Variants in RBM20 observed in about 807,000 individuals in gnomAD.
RBM20 encodes the protein RNA-binding protein 20.
A neutral mutation model predicts 110.1 loss-of-function variants in RBM20; 51 were observed. That is an observed-to-expected ratio of 0.46 (90% CI 0.37 to 0.59). RBM20 has a LOEUF of 0.59. Among genes scored for constraint, RBM20 ranks in the 20% least tolerant of loss-of-function variants. The pLI, the probability that RBM20 is intolerant of heterozygous loss-of-function variation, is 0.00. For missense variants in RBM20, 1,512 were observed against 1,574.9 expected, an observed-to-expected ratio of 0.96 and a Z score of 0.68; for synonymous variants, 589 against 618.2, an observed-to-expected ratio of 0.95 and a Z score of 0.70.
At chr10:110,802,387 T>A (rs1844639565) in intron 7 of RBM20, among the ~76,000 whole-genome samples, 1 of 71,452 alleles carries the variant, frequency 1.4e-5, no homozygotes, top group African/African-American at 1.3e-4. Context: ...ACCTGGCTTT[T>A]TTTTTTTTTT....
At chr10:110,774,742 G>A (rs899688881) in intron 1 of RBM20, among the ~76,000 whole-genome samples, 1 of 152,110 alleles carries the variant, frequency 6.6e-6, no homozygotes, top group South Asian at 2.1e-4. Context: ...TAAATTGTCT[G>A]TAAGGCCTCA....
chr10:110,711,350 A>G (rs1862925318), intron 1 of RBM20, among the ~76,000 whole-genome samples: 1 of 150,198 alleles, frequency 6.7e-6, no homozygotes, highest in African/African-American at 2.4e-5. Context: ...AAAAAAAAAA[A>G]AAAAAAAGAG....
intron 1 of RBM20, among the ~76,000 whole-genome samples, chr10:110,676,464 T>G (rs17828651): frequency 0.077 from 11,750 of 152,316 alleles, 643 homozygotes; most frequent in Non-Finnish European, 0.11. Context: ...AAGAGAAACT[T>G]TGCTCTAAGA....
rs1393803189 is a variant in RBM20, at chr10:110,838,042, G to C, written c.*2064G>C. On this transcript the variant is annotated 3_prime_UTR_variant, in exon 14 of 14. Coordinates refer to ENST00000369519, the MANE Select transcript of RBM20 (RefSeq NM_001134363.3). The stretch of plus-strand genomic sequence containing the variant: ...GAAAGAATAGCCAAATCCCCAAACA[G>C]GCCAGTTTTAACCAGCATGATGAAG... 6.6e-6 allele frequency: 1 copy of C among 152,140 alleles called. No individual in the cohort carries two copies. Among genetic ancestry groups the C allele is most frequent in the Non-Finnish European group, 1.5e-5 (1 of 68,034 alleles). 9.4% of individuals were successfully genotyped at this position (152,140 alleles called of 1,614,324 possible).
intron 1 of RBM20, among the ~76,000 whole-genome samples, chr10:110,694,688 T>C (rs189581406): frequency 6.7e-6 from 1 of 148,392 alleles, no homozygotes; most frequent in South Asian, 2.2e-4. Flanking sequence ...TGGGTTAAGA[T>C]AGCAATTTCC....
At chr10:110,767,388 G>A (rs1190969454) in intron 1 of RBM20, among the ~76,000 whole-genome samples, 1 of 147,832 alleles carries the variant, frequency 6.8e-6, no homozygotes, top group Non-Finnish European at 1.5e-5. Context: ...CCTGGCGGGG[G>A]CTGACCCCCA....
chr10:110,705,203 C>T (rs759763925), intron 1 of RBM20, among the ~76,000 whole-genome samples: 21 of 152,144 alleles, frequency 1.4e-4, no homozygotes, highest in Admixed American at 3.3e-4. Context: ...ATGTGTTTGA[C>T]GCCTGGAACA....
chr10:110,752,474 T>A (rs746070261), intron 1 of RBM20, among the ~76,000 whole-genome samples: 13 of 152,240 alleles, frequency 8.5e-5, no homozygotes, highest in Non-Finnish European at 1.5e-4. Context: ...TCTTTCATGT[T>A]TTGGCAATTC....
intron 5 of RBM20, among the ~76,000 whole-genome samples, chr10:110,792,453 G>A (rs1045907425): frequency 6.6e-6 from 1 of 152,078 alleles, no homozygotes; most frequent in African/African-American, 2.4e-5. Flanking sequence ...GTACATTCAC[G>A]GTGGCATTTC....
chr10:110,812,944 T>A lies in RBM20; in HGVS notation c.2547T>A (p.Asn849Lys), dbSNP rs562882648. The change falls in exon 9 of 14, where the codon AAT becomes AAA. Residue 849 changes from asparagine (N) to lysine (K), a missense_variant. Physicochemically the swap from Asn to Lys is moderately conservative, Grantham distance 94. This residue lies in a region of RBM20 where 1,149 missense variants were observed against 1,169.4 expected (regional missense o/e 0.98). Coordinates refer to ENST00000369519, the MANE Select transcript of RBM20 (RefSeq NM_001134363.3). ...GAAAAGAAAACACAATGGCAGAGAATGAGGTAATGATCAATTTCTTCCCCA... is the reference window on the plus strand; with the variant it reads ...GAAAAGAAAACACAATGGCAGAGAAAGAGGTAATGATCAATTTCTTCCCCA... Reference protein sequence around the residue: ...DDRKENTMAENEAGKEEQEGM... With the variant: ...DDRKENTMAEKEAGKEEQEGM... The A allele has an allele frequency of 2.8e-5, 41 of 1,448,140 alleles. No homozygotes were observed. In the African/African-American group the frequency reaches 5.6e-4, roughly 20 times the overall value. 89.7% of individuals were successfully genotyped at this position (1,448,140 alleles called of 1,614,324 possible).
Position 110,780,930 on chromosome 10 carries a change from GACAGCT to G in RBM20, c.322_327del (p.Thr108_Ala109del), listed in dbSNP as rs1844330289. ...CCCTCCACCGGCTGAAGCTGGCACA[GACAGCT>G]GTCACCAACAACACTGCAGCCGCCA... On this transcript the variant is annotated inframe_deletion, in exon 2 of 14. Coordinates refer to ENST00000369519, the MANE Select transcript of RBM20 (RefSeq NM_001134363.3). 1.2e-5 allele frequency: 18 copies of G among 1,551,544 alleles called. No homozygotes were observed. The Admixed American group carries it at 3.3e-4, about 29-fold the overall frequency.
rs1844393658 is a variant in RBM20, at chr10:110,784,364, G to A, written c.1361G>A (p.Gly454Asp). The A allele has an allele frequency of 6.4e-7, 1 of 1,551,236 alleles. No individual in the cohort carries two copies. Among genetic ancestry groups the A allele is most frequent in the Non-Finnish European group, 8.7e-7 (1 of 1,146,896 alleles). ...AGTGCTGGCATCCGGTGTATACTTG[G>A]TTCGGCAGAGGGAACATTGTGTGCT... ...SENAGIRCIL[G>D]SAEGTLCASP... is the part of the protein sequence containing the mutation. The change falls in exon 4 of 14, where the codon GGT becomes GAT. Residue 454 changes from glycine to aspartate, a missense_variant. By Grantham distance (94) the Gly-to-Asp change is moderately conservative. Coordinates refer to ENST00000369519, the MANE Select transcript of RBM20 (RefSeq NM_001134363.3).
chr10:110,701,884 G>T (rs1313997792), intron 1 of RBM20, among the ~76,000 whole-genome samples: 1 of 152,222 alleles, frequency 6.6e-6, no homozygotes, highest in Non-Finnish European at 1.5e-5. Flanking sequence ...ATGCTGATAA[G>T]GCAGAGAGCT....
intron 1 of RBM20, among the ~76,000 whole-genome samples, chr10:110,668,505 G>C (rs921388585): frequency 6.6e-6 from 1 of 152,112 alleles, no homozygotes; most frequent in African/African-American, 2.4e-5. Flanking sequence ...GGTTGAAGGG[G>C]AGACACTGGA....
At chr10:110,760,155 C>T (rs942562915) in intron 1 of RBM20, among the ~76,000 whole-genome samples, 3 of 152,150 alleles carry the variant, frequency 2.0e-5, no homozygotes, top group South Asian at 4.1e-4. Context: ...GTGTTCCATC[C>T]CCTTTTGCAA....
chr10:110,662,409 GC>G (rs1862117498), intron 1 of RBM20, among the ~76,000 whole-genome samples: 2 of 152,330 alleles, frequency 1.3e-5, no homozygotes, highest in East Asian at 3.9e-4. Flanking sequence ...GAACATCACT[GC>G]CCTTTCTCAA....
intron 12 of RBM20, among the ~76,000 whole-genome samples, chr10:110,824,130 G>A (rs190897621): frequency 2.3e-4 from 35 of 152,248 alleles, no homozygotes; most frequent in Non-Finnish European, 4.7e-4. Context: ...CAGATACTCC[G>A]TGAAAACAGC....
chr10:110,771,444 G>A (rs1019733021), intron 1 of RBM20, among the ~76,000 whole-genome samples: 1 of 152,122 alleles, frequency 6.6e-6, no homozygotes, highest in Non-Finnish European at 1.5e-5. Flanking sequence ...GAATAGAAGT[G>A]TTTATTGGTT....
At chr10:110,801,700 C>CTTTTTTT (rs61281177) in intron 7 of RBM20, among the ~76,000 whole-genome samples, 7 of 116,738 alleles carry the variant, frequency 6.0e-5, no homozygotes, top group Non-Finnish European at 6.8e-5. Context: ...TGCCTGGCTA[C>CTTTTTTT]TTTTTTTTTT....
Sources: gnomAD v4.1 joint callset for allele counts (sites outside exome capture counted in the v4.1 genomes callset) on GRCh38, gnomAD v4.1.1 for gene constraint, gnomAD v4.1.1 regional missense constraint, MANE v1.5 for transcripts, NCBI Gene and HGNC (gene_info 2026-07-23, HGNC 2026-07-21) for gene names.